Variants in RBFOX1 observed in about 807,000 individuals in gnomAD.
RBFOX1 encodes the protein RNA binding fox-1 homolog 1.
A neutral mutation model predicts 57.7 loss-of-function variants in RBFOX1; 8 were observed. That is an observed-to-expected ratio of 0.14 (90% CI 0.08 to 0.25). RBFOX1 has a LOEUF of 0.25. RBFOX1 is among the 10% of genes least tolerant of loss of function. The pLI is 1.00. For synonymous variants in RBFOX1, 326 were observed against 222.4 expected (o/e 1.47, Z -4.15); for missense variants, 611 against 548.5 (o/e 1.11, Z -1.14).
At chr16:7,349,398 C>T (rs1457564786) in intron 4 of RBFOX1, among the ~76,000 whole-genome samples, 2 of 152,202 alleles carry the variant, frequency 1.3e-5, no homozygotes, top group South Asian at 2.1e-4. Flanking sequence ...CCTAATTCCC[C>T]TAAGTCCTCA....
intron 2 of RBFOX1, among the ~76,000 whole-genome samples, chr16:6,416,376 G>A (rs776791611): frequency 4.6e-5 from 7 of 152,164 alleles, no homozygotes; most frequent in South Asian, 4.1e-4. Context: ...TTTGAAGCCA[G>A]TCGCTTCTCC....
At chr16:5,548,174 AATATATATATATATAT>A (rs71142629) in intron 2 of RBFOX1, among the ~76,000 whole-genome samples, 1 of 33,580 alleles carries the variant, frequency 3.0e-5, no homozygotes, top group Non-Finnish European at 6.3e-5. Context: ...AAAAAAAAAA[AATATATATATATATAT>A]ATATATATAT....
At chr16:6,042,568 A>G (rs1302021314) in intron 1 of RBFOX1, among the ~76,000 whole-genome samples, 1 of 152,184 alleles carries the variant, frequency 6.6e-6, no homozygotes, top group African/African-American at 2.4e-5. Context: ...TAGGAGGTAG[A>G]GATCTTTGGG....
In RBFOX1 at chr16:7,104,041, T is replaced by C. The variant is rs544169562; in HGVS notation, c.27+51943T>C. Among the ~76,000 whole-genome samples, 128 of 152,272 alleles carry C rather than the reference T, an allele frequency of 8.4e-4. No individual in the cohort carries two copies. In the South Asian group the frequency reaches 0.011, roughly 13 times the overall value. On this transcript the variant is annotated intron_variant, in intron 4 of 15. Transcript: ENST00000550418. ...ATTTTGTTTTGTGTTTTTCCACATA[T>C]AAAATCTAAAATAGTTCGTTACTAA...
intron 2 of RBFOX1, among the ~76,000 whole-genome samples, chr16:6,399,915 C>T (rs2152951524): frequency 6.6e-6 from 1 of 152,220 alleles, no homozygotes; most frequent in Non-Finnish European, 1.5e-5. Context: ...TTGTAAAACC[C>T]CCAGATCTCG....
chr16:6,757,020 T>C (rs374552859), intron 3 of RBFOX1, among the ~76,000 whole-genome samples: 78 of 101,086 alleles, frequency 7.7e-4, no homozygotes, highest in African/African-American at 2.7e-3. Context: ...ACAAAAAACA[T>C]ACAAATGGCC....
intron 2 of RBFOX1, among the ~76,000 whole-genome samples, chr16:6,593,510 G>A (rs758139721): frequency 6.6e-6 from 1 of 152,270 alleles, no homozygotes; most frequent in Middle Eastern, 3.4e-3. Context: ...TTGAGCCTCA[G>A]GCTGACAATG....
At chr16:6,782,312 C>G (rs61667552) in intron 3 of RBFOX1, among the ~76,000 whole-genome samples, 53,419 of 152,028 alleles carry the variant, frequency 0.35, 10,190 homozygotes, top group Non-Finnish European at 0.43. Flanking sequence ...TTGTTATAAA[C>G]TACCATCTTA....
chr16:6,064,582 C>A (rs531213939), intron 1 of RBFOX1, among the ~76,000 whole-genome samples: 1 of 152,076 alleles, frequency 6.6e-6, no homozygotes, highest in East Asian at 1.9e-4. Context: ...CGCTCTGTCA[C>A]CAGGCTGGAG....
chr16:7,091,705 C>G (rs1054569431), intron 4 of RBFOX1, among the ~76,000 whole-genome samples: 2 of 152,146 alleles, frequency 1.3e-5, no homozygotes, highest in African/African-American at 4.8e-5. Context: ...TGCTCTTTCA[C>G]CCCATCCTCA....
intron 3 of RBFOX1, among the ~76,000 whole-genome samples, chr16:6,999,956 C>T (rs987369790): frequency 6.6e-6 from 1 of 151,628 alleles, no homozygotes; most frequent in African/African-American, 2.4e-5. Flanking sequence ...CTTGTAATTT[C>T]AGCTACTCCA....
At chr16:6,910,239 C>A (rs966341746) in intron 3 of RBFOX1, among the ~76,000 whole-genome samples, 1 of 152,102 alleles carries the variant, frequency 6.6e-6, no homozygotes, top group East Asian at 1.9e-4. Context: ...ATGATTACTT[C>A]ACATTTGCAG....
At chr16:6,519,977 A>T (rs1239636835) in intron 2 of RBFOX1, among the ~76,000 whole-genome samples, 1 of 152,082 alleles carries the variant, frequency 6.6e-6, no homozygotes, top group African/African-American at 2.4e-5. Flanking sequence ...CATGGTATTA[A>T]ACTATCAGTC....
At chr16:5,239,760 G>T (rs1317843908), upstream of RBFOX1, 3 of 172,526 alleles carry the variant, frequency 1.7e-5, no homozygotes, top group African/African-American at 3.0e-5. Flanking sequence ...AGCCCGCGCC[G>T]GCCCCGATGC....
chr16:6,087,918 T>C (rs2096112770), intron 1 of RBFOX1, among the ~76,000 whole-genome samples: 1 of 152,234 alleles, frequency 6.6e-6, no homozygotes, highest in Non-Finnish European at 1.5e-5. Context: ...CCCAAAATGC[T>C]GGGATTACAG....
At chr16:7,169,243 T>C (rs1419091897) in intron 4 of RBFOX1, among the ~76,000 whole-genome samples, 1 of 152,230 alleles carries the variant, frequency 6.6e-6, no homozygotes, top group African/African-American at 2.4e-5. Context: ...AAAATCATAA[T>C]AACATATTAT....
At chr16:7,233,766 A>G (rs2093630381) in intron 4 of RBFOX1, among the ~76,000 whole-genome samples, 1 of 152,212 alleles carries the variant, frequency 6.6e-6, no homozygotes, top group Non-Finnish European at 1.5e-5. Context: ...GGAATTTATT[A>G]AATGGCAGTT....
rs2063216197 is a variant in RBFOX1, at chr16:5,279,373, A to G, written c.219+39268A>G. 2.0e-5 allele frequency among the ~76,000 whole-genome samples: 3 copies of G among 152,084 alleles called. No homozygotes were observed. The South Asian group carries it at 6.2e-4, about 31-fold the overall frequency. On this transcript the variant is annotated intron_variant, in intron 1 of 2. Coordinates refer to the RBFOX1 transcript ENST00000585867. ...TTTTATTTTTGTAGCTATTGTAAAT[A>G]GAATTTCTTCCTTGATTTCTTTTTT... is the stretch of plus-strand genomic sequence containing the variant.
chr16:7,611,504 G>A (rs373854705), intron 10 of RBFOX1, among the ~76,000 whole-genome samples: 2 of 151,978 alleles, frequency 1.3e-5, no homozygotes, highest in South Asian at 4.1e-4. Context: ...ACTTGAACCT[G>A]GGAGGCAGAG....
Sources: allele counts gnomAD v4.1 joint callset (sites outside exome capture counted in the v4.1 genomes callset), GRCh38; gene constraint gnomAD v4.1.1; transcripts MANE v1.5; gene names NCBI Gene and HGNC (gene_info 2026-07-23, HGNC 2026-07-21).